The following PRLR variants were observed in gnomAD, a reference collection of about 807,000 sequenced individuals.
PRLR encodes hPRL receptor.
A neutral mutation model predicts 40.2 loss-of-function variants in PRLR; 13 were observed. That is an observed-to-expected ratio of 0.32 (90% confidence interval 0.21 to 0.51). The LOEUF (loss-of-function observed/expected upper bound fraction) is 0.51. Among genes scored for constraint, PRLR ranks in the 20% least tolerant of loss-of-function variants. The probability of loss-of-function intolerance (pLI) is 0.97; values close to 1 mark genes in which losing one functional copy is unlikely to be tolerated. For synonymous variants in PRLR, 269 were observed against 278.7 expected (o/e 0.97, Z 0.35); for missense variants, 656 against 747.3 (o/e 0.88, Z 1.42).
intron 1 of PRLR, among the ~76,000 whole-genome samples, chr5:35,180,870 T>C (rs1010573975): frequency 1.4e-4 from 21 of 152,164 alleles, no homozygotes; most frequent in African/African-American, 4.8e-4. Flanking sequence ...AGAATGATGG[T>C]TTCCAGCTTC....
intron 2 of PRLR, among the ~76,000 whole-genome samples, chr5:35,091,240 C>T (rs559560234): frequency 6.6e-6 from 1 of 152,216 alleles, no homozygotes; most frequent in African/African-American, 2.4e-5. Context: ...TCCTTCCAAG[C>T]AAATGCCCTC....
chr5:35,113,274 TATCCATCCATCC>T (rs146132323), intron 2 of PRLR, among the ~76,000 whole-genome samples: 2 of 135,864 alleles, frequency 1.5e-5, no homozygotes, highest in Non-Finnish European at 3.1e-5. Context: ...CCCACCCATT[TATCCATCCATCC>T]ATCCATCCAT....
intron 2 of PRLR, among the ~76,000 whole-genome samples, chr5:35,109,390 T>C (rs1772493228): frequency 6.6e-6 from 1 of 152,158 alleles, no homozygotes; most frequent in South Asian, 2.1e-4. Flanking sequence ...ACTAAAGAAC[T>C]TCTGCCCAGC....
At chr5:35,127,785 T>G (rs1227575923) in intron 1 of PRLR, among the ~76,000 whole-genome samples, 2 of 152,136 alleles carry the variant, frequency 1.3e-5, no homozygotes, top group Non-Finnish European at 1.5e-5. Context: ...TCCATTTACG[T>G]GAAATGTCTA....
chr5:35,206,610 T>C (rs1454635783), intron 1 of PRLR, among the ~76,000 whole-genome samples: 2 of 152,120 alleles, frequency 1.3e-5, no homozygotes, highest in Non-Finnish European at 2.9e-5. Flanking sequence ...ACATTTCATT[T>C]TGAAGTTGAT....
intron 1 of PRLR, among the ~76,000 whole-genome samples, chr5:35,192,214 T>C (rs529091196): frequency 3.3e-5 from 5 of 152,198 alleles, no homozygotes; most frequent in Non-Finnish European, 5.9e-5. Flanking sequence ...GTTGAGAGAA[T>C]ATATGAGTGA....
chr5:35,133,013 A>C (rs942189232), intron 1 of PRLR, among the ~76,000 whole-genome samples: 2 of 152,198 alleles, frequency 1.3e-5, no homozygotes, highest in African/African-American at 4.8e-5. Flanking sequence ...GAATAGAACA[A>C]AAACATGGAA....
intron 1 of PRLR, among the ~76,000 whole-genome samples, chr5:35,219,655 A>C (rs1407624100): frequency 6.6e-6 from 1 of 152,224 alleles, no homozygotes; most frequent in Non-Finnish European, 1.5e-5. Context: ...TGACCTTTCC[A>C]GCACTTACGA....
intron 3 of PRLR, among the ~76,000 whole-genome samples, chr5:35,088,668 A>G (rs942417944): frequency 6.6e-6 from 1 of 152,150 alleles, no homozygotes; most frequent in Non-Finnish European, 1.5e-5. Context: ...ACATTAATGG[A>G]CTTTCTCAAT....
At position 35,062,127 on chromosome 5, in the gene PRLR, T is replaced by C. The variant is rs1278207981; in HGVS notation, c.*2962A>G. 2 of 152,222 alleles carry C rather than the reference T, an allele frequency of 1.3e-5. No individual in the cohort carries two copies. Among genetic ancestry groups the C allele is most frequent in the African/African-American group, 4.8e-5 (2 of 41,454 alleles). The allele number at this position is 152,222 out of a possible 1,614,324, so 9.4% of individuals were successfully genotyped here. On this transcript the variant is annotated 3_prime_UTR_variant, in exon 10 of 10. Coordinates refer to ENST00000618457, the MANE Select transcript of PRLR (RefSeq NM_000949.7). The stretch of plus-strand genomic sequence containing the variant: ...AATGGACGGTTTAAAAAGCAAAGTA[T>C]AAAGAGCACATCACTGAAGATTACT...
At chr5:35,113,378 TATCCATCCATCC>T (rs753971139) in intron 2 of PRLR, among the ~76,000 whole-genome samples, 98 of 105,576 alleles carry the variant, frequency 9.3e-4, no homozygotes, top group Admixed American at 3.3e-3. Flanking sequence ...CCCACCCATT[TATCCATCCATCC>T]ATCCATCCAT....
intron 2 of PRLR, among the ~76,000 whole-genome samples, chr5:35,114,125 A>G (rs1359196921): frequency 6.6e-6 from 1 of 152,178 alleles, no homozygotes; most frequent in Non-Finnish European, 1.5e-5. Flanking sequence ...CTGACTTTGC[A>G]GCATGATCCA....
At chr5:35,104,197 A>T (rs868426246) in intron 2 of PRLR, among the ~76,000 whole-genome samples, 7 of 152,194 alleles carry the variant, frequency 4.6e-5, no homozygotes, top group Non-Finnish European at 1.0e-4. Flanking sequence ...CCCTCCGTCC[A>T]CATGTAGGGC....
intron 1 of PRLR, among the ~76,000 whole-genome samples, chr5:35,192,882 C>T (rs1029496651): frequency 2.6e-5 from 4 of 152,178 alleles, no homozygotes; most frequent in Non-Finnish European, 1.5e-5. Context: ...ACAGCAGAAG[C>T]AGCCAGATGC....
At chr5:35,119,884 C>T (rs969326389) in intron 1 of PRLR, among the ~76,000 whole-genome samples, 5 of 152,076 alleles carry the variant, frequency 3.3e-5, no homozygotes, top group African/African-American at 7.2e-5. Flanking sequence ...GTGAGGGCTT[C>T]GGGGCAGGCG....
At chr5:35,178,571 T>C (rs1465117997) in intron 1 of PRLR, among the ~76,000 whole-genome samples, 1 of 152,182 alleles carries the variant, frequency 6.6e-6, no homozygotes, top group Non-Finnish European at 1.5e-5. Flanking sequence ...TAAAATGTAA[T>C]GAACAGATGA....
At chr5:35,209,934 C>T (rs79873015) in intron 1 of PRLR, among the ~76,000 whole-genome samples, 3 of 152,322 alleles carry the variant, frequency 2.0e-5, no homozygotes, top group South Asian at 2.1e-4. Flanking sequence ...TTAAAAACTA[C>T]GCACGAGATC....
chr5:35,205,643 TG>T (rs755158742), intron 1 of PRLR, among the ~76,000 whole-genome samples: 29 of 152,240 alleles, frequency 1.9e-4, no homozygotes, highest in Admixed American at 6.5e-4. Context: ...GTAAGGACTA[TG>T]GGGGTTGGGC....
chr5:35,134,101 G>C (rs536451684), intron 1 of PRLR, among the ~76,000 whole-genome samples: 24 of 152,150 alleles, frequency 1.6e-4, no homozygotes, highest in African/African-American at 5.8e-4. Context: ...CTCGGGTGAT[G>C]GGTGCACCAA....
Sources: allele counts gnomAD v4.1 joint callset (sites outside exome capture counted in the v4.1 genomes callset), GRCh38; gene constraint gnomAD v4.1.1; transcripts MANE v1.5; gene names NCBI Gene and HGNC (gene_info 2026-07-23, HGNC 2026-07-21).